The following GRM7 variants were observed in gnomAD, a reference collection of about 807,000 sequenced individuals.
The protein encoded by GRM7 is metabotropic glutamate receptor 7.
In GRM7, 35 loss-of-function variants were observed where a neutral mutation model predicts 84.5. The observed-to-expected ratio is 0.41, with a 90% confidence interval of 0.32 to 0.55. The LOEUF is 0.55. Among genes scored for constraint, GRM7 ranks in the 20% least tolerant of loss-of-function variants. GRM7 has a pLI of 0.19. For missense variants in GRM7, 1,003 were observed against 1,194.6 expected, an observed-to-expected ratio of 0.84 and a Z score of 2.36; for synonymous variants, 487 against 455.1, an observed-to-expected ratio of 1.07 and a Z score of -0.89.
chr3:7,392,412 G>A (rs533275857), intron 4 of GRM7, among the ~76,000 whole-genome samples: 55 of 152,304 alleles, frequency 3.6e-4, no homozygotes, highest in Admixed American at 9.8e-4. Flanking sequence ...CCCTTCCCAC[G>A]CTCCAGAGCA....
chr3:7,173,746 G>T (rs1384407750), intron 2 of GRM7, among the ~76,000 whole-genome samples: 1 of 151,992 alleles, frequency 6.6e-6, no homozygotes, highest in African/African-American at 2.4e-5. Context: ...TTAACTCCTG[G>T]ACCTCAGAGC....
In GRM7 at chr3:7,672,690, C is replaced by T. The variant is rs193252797; in HGVS notation, c.2452-7359C>T. Among the ~76,000 whole-genome samples the T allele has an allele frequency of 6.1e-3, 918 of 151,570 alleles. 7 individuals are homozygous for T. The highest frequency in any genetic ancestry group is 0.02 in the African/African-American group (842 of 41,310). ...TGCAATCTCAGCTCACTGCAAGCTC[C>T]GCCTCCTGGGTTCATGCCATTCTCC... On this transcript the variant is annotated intron_variant, in intron 8 of 9. Transcript: ENST00000357716.
At chr3:7,629,855 A>T (rs1367347766) in intron 8 of GRM7, among the ~76,000 whole-genome samples, 1 of 152,188 alleles carries the variant, frequency 6.6e-6, no homozygotes, top group Non-Finnish European at 1.5e-5. Context: ...TTAAAAATAG[A>T]TTTGAAACCC....
chr3:7,407,671 A>T (rs558369436), intron 4 of GRM7, among the ~76,000 whole-genome samples: 1 of 152,346 alleles, frequency 6.6e-6, no homozygotes, highest in African/African-American at 2.4e-5. Flanking sequence ...GAATGAATGA[A>T]TGAAATAATA....
intron 4 of GRM7, among the ~76,000 whole-genome samples, chr3:7,320,270 A>T (rs1700728577): frequency 6.6e-6 from 1 of 151,984 alleles, no homozygotes; most frequent in African/African-American, 2.4e-5. Context: ...AACAAGAGAA[A>T]AGCATACAAA....
intron 4 of GRM7, among the ~76,000 whole-genome samples, chr3:7,339,500 G>A (rs1016566588): frequency 1.3e-5 from 2 of 152,082 alleles, no homozygotes; most frequent in African/African-American, 2.4e-5. Context: ...TGTGGAGTAC[G>A]GACAGTGTTC....
In GRM7 at chr3:7,241,345, T is replaced by G. The variant is rs79494197; in HGVS notation, c.737-57339T>G. On this transcript the variant is annotated intron_variant, in intron 2 of 9. Transcript: ENST00000357716. Reference sequence around the variant, plus strand: ...TCTGCGTTGTCATCATCATCCTCGTTAATGCTATGTACATGCCATATACTG... The same window carrying G: ...TCTGCGTTGTCATCATCATCCTCGTGAATGCTATGTACATGCCATATACTG... Among the ~76,000 whole-genome samples the G allele has an allele frequency of 1.4e-4, 22 of 152,316 alleles. No individual in the cohort carries two copies. The East Asian group carries it at 4.2e-3, about 29-fold the overall frequency.
intron 9 of GRM7, among the ~76,000 whole-genome samples, chr3:7,722,168 A>C (rs1701973235): frequency 6.6e-6 from 1 of 152,170 alleles, no homozygotes; most frequent in Non-Finnish European, 1.5e-5. Flanking sequence ...GTCGAGAGAA[A>C]AGTACTTGAA....
At chr3:7,287,187 T>C (rs936775166) in intron 2 of GRM7, among the ~76,000 whole-genome samples, 8 of 152,290 alleles carry the variant, frequency 5.3e-5, no homozygotes, top group Admixed American at 4.6e-4. Context: ...CATCTGGAGA[T>C]ATTTACTGCA....
intron 1 of GRM7, among the ~76,000 whole-genome samples, chr3:6,930,680 T>C (rs1697469317): frequency 1.3e-5 from 2 of 152,216 alleles, no homozygotes; most frequent in South Asian, 4.1e-4. Context: ...GCTGGGGCTC[T>C]GTTCTCAGTT....
At chr3:7,164,415 G>A (rs1419497820) in intron 2 of GRM7, among the ~76,000 whole-genome samples, 4 of 152,146 alleles carry the variant, frequency 2.6e-5, no homozygotes, top group African/African-American at 9.7e-5. Flanking sequence ...CCTATGTCTA[G>A]CTCTGGACAC....
chr3:7,114,609 C>T (rs187369816), intron 1 of GRM7, among the ~76,000 whole-genome samples: 50 of 152,232 alleles, frequency 3.3e-4, no homozygotes, highest in African/African-American at 1.1e-3. Context: ...TTGAAATAAA[C>T]GCACAGGTCC....
At chr3:7,236,015 G>C (rs1697336103) in intron 2 of GRM7, among the ~76,000 whole-genome samples, 1 of 152,162 alleles carries the variant, frequency 6.6e-6, no homozygotes, top group South Asian at 2.1e-4. Flanking sequence ...TGCAGACACT[G>C]CATCTGGTGG....
intron 8 of GRM7, among the ~76,000 whole-genome samples, chr3:7,604,865 A>G (rs1300061429): frequency 6.6e-6 from 1 of 152,212 alleles, no homozygotes; most frequent in Admixed American, 6.5e-5. Context: ...GTCTCATTTC[A>G]GTTTACAACA....
chr3:7,124,246 C>T (rs943086647), intron 1 of GRM7, among the ~76,000 whole-genome samples: 8 of 152,188 alleles, frequency 5.3e-5, no homozygotes, highest in East Asian at 1.9e-4. Flanking sequence ...GTTGAAGAAA[C>T]ATTCCAGTTT....
At chr3:7,080,989 G>T (rs548768345) in intron 1 of GRM7, among the ~76,000 whole-genome samples, 1 of 152,028 alleles carries the variant, frequency 6.6e-6, no homozygotes, top group African/African-American at 2.4e-5. Flanking sequence ...GACTTCAGGT[G>T]GTTTTCTATG....
intron 2 of GRM7, among the ~76,000 whole-genome samples, chr3:7,194,621 G>T (rs1695821325): frequency 6.6e-6 from 1 of 152,130 alleles, no homozygotes. Flanking sequence ...CATAACGTGG[G>T]AAGTAAGAAG....
intron 4 of GRM7, among the ~76,000 whole-genome samples, chr3:7,385,052 A>G (rs1559284441): frequency 6.6e-6 from 1 of 152,188 alleles, no homozygotes. Flanking sequence ...CAGTGTTCAC[A>G]TTTTCCCTTA....
intron 4 of GRM7, among the ~76,000 whole-genome samples, chr3:7,375,469 C>T (rs1694311241): frequency 6.6e-6 from 1 of 152,082 alleles, no homozygotes; most frequent in Non-Finnish European, 1.5e-5. Context: ...CCACCCACAT[C>T]AGCCTCCCAA....
Sources: gnomAD v4.1 joint callset for allele counts (sites outside exome capture counted in the v4.1 genomes callset) on GRCh38, gnomAD v4.1.1 for gene constraint, MANE v1.5 for transcripts, NCBI Gene and HGNC (gene_info 2026-07-23, HGNC 2026-07-21) for gene names.